The following DLG2 variants were observed in gnomAD, a reference collection of about 807,000 sequenced individuals.
DLG2 encodes the protein discs large MAGUK scaffold protein 2, also known as disks large homolog 2.
DLG2 carries 45 observed loss-of-function variants against 132.5 expected under a neutral mutation model. The ratio of observed to expected loss-of-function variants is 0.34; its 90% CI spans 0.27 to 0.44. The LOEUF (loss-of-function observed/expected upper bound fraction) is 0.44, where lower values mean the gene tolerates loss of function less well. Among genes scored for constraint, DLG2 ranks in the 20% least tolerant of loss-of-function variants. The pLI is 1.00. For missense variants in DLG2, 1,045 were observed against 1,196.9 expected, an observed-to-expected ratio of 0.87 and a Z score of 1.87; for synonymous variants, 424 against 419.6, an observed-to-expected ratio of 1.01 and a Z score of -0.13.
At chr11:85,377,585 T>C (rs2085502739) in intron 3 of DLG2, among the ~76,000 whole-genome samples, 1 of 152,142 alleles carries the variant, frequency 6.6e-6, no homozygotes, top group Non-Finnish European at 1.5e-5. Context: ...ACTCTAGGGA[T>C]ATAGCGGTTA....
Position 85,119,050 on chromosome 11 carries a change from A to C in DLG2, c.283-7315T>G, listed in dbSNP as rs77837639. Among the ~76,000 whole-genome samples, 956 of 152,010 alleles carry C rather than the reference A, an allele frequency of 6.3e-3. 6 individuals are homozygous for C. Among genetic ancestry groups the C allele is most frequent in the Non-Finnish European group, 0.011 (754 of 67,928 alleles). ...CTCTGAGTCTATATTCTTGTATCTG[A>C]GTATAAAATAGTAATATTTATCTCA... On this transcript the variant is annotated intron_variant, in intron 5 of 27. Coordinates refer to ENST00000376104, the MANE Select transcript of DLG2 (RefSeq NM_001142699.3).
At chr11:84,175,690 A>G (rs1209519757) in intron 8 of DLG2, among the ~76,000 whole-genome samples, 2 of 152,152 alleles carry the variant, frequency 1.3e-5, no homozygotes, top group Non-Finnish European at 2.9e-5. Flanking sequence ...TTTAAAAAGC[A>G]CATCACTATC....
At chr11:85,503,111 T>A (rs1184505555) in intron 3 of DLG2, among the ~76,000 whole-genome samples, 1 of 152,116 alleles carries the variant, frequency 6.6e-6, no homozygotes, top group East Asian at 1.9e-4. Context: ...ATAACATTCA[T>A]AAACAAGCAA....
intron 3 of DLG2, among the ~76,000 whole-genome samples, chr11:85,545,440 G>A (rs1047415115): frequency 2.0e-5 from 3 of 151,944 alleles, no homozygotes; most frequent in Admixed American, 6.6e-5. Flanking sequence ...GATATTAGCC[G>A]GAAATTTTCT....
intron 6 of DLG2, among the ~76,000 whole-genome samples, chr11:84,795,655 C>T (rs557123413): frequency 3.9e-5 from 6 of 152,270 alleles, no homozygotes; most frequent in Middle Eastern, 3.4e-3. Flanking sequence ...TGAAACACAT[C>T]CTTTGCCTGC....
chr11:84,196,422 A>G (rs557621666), intron 8 of DLG2, among the ~76,000 whole-genome samples: 1 of 152,330 alleles, frequency 6.6e-6, no homozygotes, highest in East Asian at 1.9e-4. Flanking sequence ...CGGCCAAAAC[A>G]ACTCTCAAAG....
intron 6 of DLG2, among the ~76,000 whole-genome samples, chr11:84,825,002 T>C (rs1391735379): frequency 6.6e-6 from 1 of 151,850 alleles, no homozygotes; most frequent in Non-Finnish European, 1.5e-5. Flanking sequence ...TAAGGAAAAA[T>C]CACTGTGGGT....
intron 7 of DLG2, among the ~76,000 whole-genome samples, chr11:84,418,368 T>C (rs1190547666): frequency 6.6e-6 from 1 of 152,212 alleles, no homozygotes; most frequent in Non-Finnish European, 1.5e-5. Context: ...ACAATACTAG[T>C]CCAGAATAAT....
intron 6 of DLG2, among the ~76,000 whole-genome samples, chr11:85,050,666 A>T (rs542055641): frequency 2.9e-4 from 44 of 152,280 alleles, no homozygotes; most frequent in Non-Finnish European, 4.6e-4. Context: ...GTTTAAGACA[A>T]GAAAAAATCA....
At chr11:83,993,320 G>T (rs2093826958) in intron 11 of DLG2, among the ~76,000 whole-genome samples, 1 of 152,110 alleles carries the variant, frequency 6.6e-6, no homozygotes, top group South Asian at 2.1e-4. Context: ...CAAATGTCAA[G>T]CATCCTACAT....
chr11:83,461,673 T>A (rs939819432), intron 27 of DLG2: 1 of 203,232 alleles, frequency 4.9e-6, no homozygotes, highest in African/African-American at 2.3e-5. Context: ...TCAAGTTTTC[T>A]GATGATATCA....
At chr11:85,586,242 T>G (rs2078962312) in intron 3 of DLG2, among the ~76,000 whole-genome samples, 1 of 152,230 alleles carries the variant, frequency 6.6e-6, no homozygotes, top group Non-Finnish European at 1.5e-5. Context: ...TTAGGGAGGA[T>G]TCCGTCTTTC....
intron 6 of DLG2, among the ~76,000 whole-genome samples, chr11:84,602,594 A>G (rs1273533735): frequency 3.3e-5 from 5 of 152,012 alleles, no homozygotes; most frequent in Admixed American, 6.6e-5. Context: ...ATCTACATAT[A>G]TTAAAACAAC....
At chr11:84,979,620 C>A (rs532227794) in intron 6 of DLG2, among the ~76,000 whole-genome samples, 2 of 150,364 alleles carry the variant, frequency 1.3e-5, no homozygotes, top group South Asian at 4.2e-4. Context: ...AACACTTGGA[C>A]ACAGGAAGGG....
rs187258786 is a variant in DLG2, at chr11:84,809,375, A to T, written c.358-274644T>A. Among the ~76,000 whole-genome samples the T allele has an allele frequency of 1.4e-3, 220 of 152,068 alleles. 1 individual carries two copies. Among genetic ancestry groups the T allele is most frequent in the African/African-American group, 5.1e-3 (214 of 41,558 alleles). ...ATTTTGTACTATGATTAGGAGCAAG[A>T]CAAGGATATCTTTCCCACCACTCTT... On this transcript the variant is annotated intron_variant, in intron 6 of 27. Coordinates refer to ENST00000376104, the MANE Select transcript of DLG2 (RefSeq NM_001142699.3).
At chr11:84,962,509 T>C (rs2052723239) in intron 6 of DLG2, among the ~76,000 whole-genome samples, 1 of 152,234 alleles carries the variant, frequency 6.6e-6, no homozygotes, top group South Asian at 2.1e-4. Context: ...GAAGATCACC[T>C]GAAATCTTAT....
At chr11:84,534,549 C>T (rs376095639) in intron 7 of DLG2, 21 bp downstream of exon 7, 30 of 1,609,750 alleles carry the variant, frequency 1.9e-5, no homozygotes, top group East Asian at 4.5e-5. Context: ...ACTATAAAGT[C>T]GGAAGAGCAA....
intron 7 of DLG2, among the ~76,000 whole-genome samples, chr11:84,279,983 G>A (rs550218874): frequency 2.0e-5 from 3 of 152,242 alleles, no homozygotes; most frequent in Middle Eastern, 3.4e-3. Flanking sequence ...AGATAAGTAC[G>A]TCCCTTCTCA....
intron 8 of DLG2, among the ~76,000 whole-genome samples, chr11:84,233,989 T>C (rs978412322): frequency 1.6e-4 from 25 of 151,928 alleles, no homozygotes; most frequent in African/African-American, 6.1e-4. Flanking sequence ...GCTGGCAGAG[T>C]GGGCTCAAAG....
Sources: allele counts gnomAD v4.1 joint callset (sites outside exome capture counted in the v4.1 genomes callset), GRCh38; gene constraint gnomAD v4.1.1; transcripts MANE v1.5; gene names NCBI Gene and HGNC (gene_info 2026-07-23, HGNC 2026-07-21).